The following PRCP variants were observed in gnomAD, a reference collection of about 807,000 sequenced individuals.
The protein encoded by PRCP is lysosomal Pro-X carboxypeptidase.
Under a neutral mutation model 54.2 loss-of-function variants are expected in PRCP, and 46 were observed. The ratio of observed to expected loss-of-function variants is 0.85; its 90% CI spans 0.67 to 1.09. The LOEUF is 1.09. Among genes scored for constraint, PRCP ranks in the 50% least tolerant of loss-of-function variants. PRCP has a pLI of 0.00. For missense variants in PRCP, 613 were observed against 596.8 expected, an observed-to-expected ratio of 1.03 and a Z score of -0.28; for synonymous variants, 240 against 212.2, an observed-to-expected ratio of 1.13 and a Z score of -1.14.
intron 1 of PRCP, among the ~76,000 whole-genome samples, chr11:82,892,709 G>A (rs1230972889): frequency 6.6e-6 from 1 of 152,220 alleles, no homozygotes; most frequent in Non-Finnish European, 1.5e-5. Context: ...ATGATGACAA[G>A]TTAAGCAAGA....
intron 6 of PRCP, among the ~76,000 whole-genome samples, chr11:82,842,195 G>A (rs930344989): frequency 6.6e-6 from 1 of 152,154 alleles, no homozygotes; most frequent in African/African-American, 2.4e-5. Flanking sequence ...CAAAGAAAAG[G>A]AGTCCCTATG....
intron 1 of PRCP, among the ~76,000 whole-genome samples, chr11:82,867,679 G>C (rs1169888095): frequency 1.3e-5 from 2 of 152,094 alleles, no homozygotes; most frequent in African/African-American, 4.8e-5. Flanking sequence ...ACCACCAGAG[G>C]GCGCCCTTAT....
chr11:82,844,510 G>A (rs1377159144), intron 6 of PRCP, among the ~76,000 whole-genome samples: 1 of 152,082 alleles, frequency 6.6e-6, no homozygotes, highest in Non-Finnish European at 1.5e-5. Flanking sequence ...GCTGAGGCGG[G>A]TGGATCACCT....
intron 6 of PRCP, among the ~76,000 whole-genome samples, chr11:82,846,730 G>A (rs1057508206): frequency 6.6e-6 from 1 of 152,174 alleles, no homozygotes; most frequent in Admixed American, 6.5e-5. Context: ...ATACTCTGCT[G>A]GTTTTGAGTA....
chr11:82,850,268 T>C, intron 4 of PRCP, 56 bp downstream of exon 4: 4 of 1,360,732 alleles, frequency 2.9e-6, no homozygotes, highest in Non-Finnish European at 3.8e-6. Flanking sequence ...AATGAATCTC[T>C]AAGTTTCCCT....
intron 1 of PRCP, among the ~76,000 whole-genome samples, chr11:82,890,496 T>G (rs1262460121): frequency 6.6e-6 from 1 of 152,186 alleles, no homozygotes; most frequent in Non-Finnish European, 1.5e-5. Context: ...CAATTCTATT[T>G]CTTTCTTGTT....
At position 82,853,220 on chromosome 11, in the gene PRCP, C is replaced by G; in HGVS notation, c.368G>C (p.Arg123Pro). 1 of 1,612,794 alleles carries G rather than the reference C, an allele frequency of 6.2e-7. No homozygotes were observed. Residue 123 changes from arginine (R) to proline (P), a missense_variant, in exon 3 of 9, where the codon CGA (arginine) becomes CCA (proline). Physicochemically the swap from Arg to Pro is moderately radical, Grantham distance 103. Coordinates refer to ENST00000313010, the MANE Select transcript of PRCP (RefSeq NM_005040.4). Reference sequence around the variant, plus strand: ...AAAGGGGAGAGACTCTCCATAGTATCGATGTTCAGCAAACACCAACATAGC... The same window carrying G: ...AAAGGGGAGAGACTCTCCATAGTATGGATGTTCAGCAAACACCAACATAGC... ...LKAMLVFAEH[R>P]YYGESLPFGD...
chr11:82,847,223 C>T (rs983595355), intron 6 of PRCP, among the ~76,000 whole-genome samples: 10 of 152,332 alleles, frequency 6.6e-5, no homozygotes, highest in African/African-American at 2.4e-4. Flanking sequence ...ATGTAATTCT[C>T]ACCTTGTACA....
At position 82,872,617 on chromosome 11, in the gene PRCP, A is replaced by G. The variant is rs978119642; in HGVS notation, c.169-12500T>C. Among the ~76,000 whole-genome samples, 44 of 152,344 alleles carry G rather than the reference A, an allele frequency of 2.9e-4. 1 individual carries two copies. The highest frequency in any genetic ancestry group is 1.1e-3 in the African/African-American group (44 of 41,570). On this transcript the variant is annotated intron_variant, in intron 1 of 8. Coordinates refer to ENST00000313010, the MANE Select transcript of PRCP (RefSeq NM_005040.4). Reference sequence around the variant, plus strand: ...GACTGCCAACAGCCAGCAGAAGCTTAGCGAGGGACACAGACCAGACTCTTC... The same window carrying G: ...GACTGCCAACAGCCAGCAGAAGCTTGGCGAGGGACACAGACCAGACTCTTC...
chr11:82,849,236 C>T lies in PRCP; in HGVS notation c.752-18G>A. ...ACCACTGCCTGGGAATAGAATCACACTGTTGGAATCTAAAAAGTACTGGTC... is the reference window on the plus strand; with the variant it reads ...ACCACTGCCTGGGAATAGAATCACATTGTTGGAATCTAAAAAGTACTGGTC... On this transcript the variant is annotated intron_variant, in intron 5 of 8. Coordinates refer to ENST00000313010, the MANE Select transcript of PRCP (RefSeq NM_005040.4). 6.2e-7 allele frequency: 1 copy of T among 1,612,428 alleles called. No homozygotes were observed.
At chr11:82,836,714 A>G (rs528969121) in intron 8 of PRCP, 1 of 206,108 alleles carries the variant, frequency 4.9e-6, no homozygotes, top group Admixed American at 5.9e-5. Flanking sequence ...ATGCCAACTA[A>G]TTTTTATATA....
At chr11:82,898,858 C>T (rs908161609) in intron 1 of PRCP, among the ~76,000 whole-genome samples, 1 of 152,194 alleles carries the variant, frequency 6.6e-6, no homozygotes, top group African/African-American at 2.4e-5. Context: ...AAAATTGTTT[C>T]TTGGCTGGGG....
intron 8 of PRCP, among the ~76,000 whole-genome samples, chr11:82,832,209 T>C (rs1471526209): frequency 6.6e-6 from 1 of 152,128 alleles, no homozygotes; most frequent in African/African-American, 2.4e-5. Context: ...GAATGATTTT[T>C]AATCCTTTGA....
At chr11:82,900,190 C>T in intron 1 of PRCP, 45 bp downstream of exon 1, 6 of 1,605,146 alleles carry the variant, frequency 3.7e-6, no homozygotes, top group Non-Finnish European at 5.1e-6. Flanking sequence ...GGTCAGGGTT[C>T]CCGGCGGTTG....
intron 1 of PRCP, among the ~76,000 whole-genome samples, chr11:82,873,066 G>GTTT (rs11415071): frequency 0.017 from 2,073 of 119,006 alleles, 19 homozygotes; most frequent in Non-Finnish European, 0.021. Flanking sequence ...ATTCTGATCT[G>GTTT]TTTTTTTTTT....
At chr11:82,841,539 G>C (rs1858671788) in intron 6 of PRCP, among the ~76,000 whole-genome samples, 1 of 152,148 alleles carries the variant, frequency 6.6e-6, no homozygotes, top group African/African-American at 2.4e-5. Context: ...AAGGAAGATG[G>C]AGTGTGCATC....
At chr11:82,835,313 G>C (rs1168356416) in intron 8 of PRCP, among the ~76,000 whole-genome samples, 1 of 152,202 alleles carries the variant, frequency 6.6e-6, no homozygotes, top group African/African-American at 2.4e-5. Context: ...CCTAAACTCA[G>C]AGTCAACTTC....
chr11:82,824,376 G>T lies in PRCP; in HGVS notation c.*530C>A, dbSNP rs1247708355. Reference sequence around the variant, plus strand: ...AAGCAACACACAGGTATAAGGTCCAGCTGTATTATTTATTTACAGCACAGT... The same window carrying T: ...AAGCAACACACAGGTATAAGGTCCATCTGTATTATTTATTTACAGCACAGT... On this transcript the variant is annotated 3_prime_UTR_variant, in exon 9 of 9. Transcript: ENST00000313010. 6.3e-6 allele frequency: 1 copy of T among 158,636 alleles called. No individual in the cohort carries two copies. Among genetic ancestry groups the T allele is most frequent in the African/African-American group, 2.4e-5 (1 of 41,470 alleles). The allele number at this position is 158,636 out of a possible 1,614,324, so 9.8% of individuals were successfully genotyped here. A position where few individuals can be genotyped will look rare whatever the true frequency, so the allele number is the denominator to read the frequency against.
intron 6 of PRCP, among the ~76,000 whole-genome samples, chr11:82,848,379 A>C (rs967362360): frequency 3.3e-5 from 5 of 152,234 alleles, no homozygotes; most frequent in African/African-American, 1.2e-4. Flanking sequence ...CACATCCAAC[A>C]TTTTATTAGA....
Sources: allele counts gnomAD v4.1 joint callset (sites outside exome capture counted in the v4.1 genomes callset), GRCh38; gene constraint gnomAD v4.1.1; transcripts MANE v1.5; gene names NCBI Gene and HGNC (gene_info 2026-07-23, HGNC 2026-07-21).